Variants in CHST11 observed in about 807,000 individuals in gnomAD.
The protein encoded by CHST11 is carbohydrate sulfotransferase 11.
Under a neutral mutation model 30.4 loss-of-function variants are expected in CHST11, and 9 were observed. The observed-to-expected ratio is 0.30, with a 90% CI of 0.18 to 0.52. The LOEUF (loss-of-function observed/expected upper bound fraction) is 0.52, where lower values mean the gene tolerates loss of function less well. Ranked by LOEUF, CHST11 falls within the 20% of genes least tolerant of loss-of-function variation. The pLI is 0.97. For missense variants in CHST11, 348 were observed against 460.6 expected (o/e 0.76, Z 2.24); for synonymous variants, 152 against 187.8 (o/e 0.81, Z 1.56).
At chr12:104,533,901 T>C (rs539555716) in intron 1 of CHST11, among the ~76,000 whole-genome samples, 19 of 152,338 alleles carry the variant, frequency 1.2e-4, no homozygotes, top group African/African-American at 1.7e-4. Context: ...AAAATTTCCG[T>C]TGGATTGGGC....
intron 1 of CHST11, among the ~76,000 whole-genome samples, chr12:104,464,268 A>C (rs567606296): frequency 6.6e-6 from 1 of 151,974 alleles, no homozygotes; most frequent in African/African-American, 2.4e-5. Context: ...GGGTTTTGCC[A>C]TGTTGGCCAA....
chr12:104,478,402 C>A (rs931487359), intron 1 of CHST11, among the ~76,000 whole-genome samples: 1 of 152,198 alleles, frequency 6.6e-6, no homozygotes, highest in African/African-American at 2.4e-5. Flanking sequence ...CACCTCTCTT[C>A]CACCAGGTCC....
intron 1 of CHST11, among the ~76,000 whole-genome samples, chr12:104,468,865 T>C (rs1248194964): frequency 2.6e-5 from 4 of 152,106 alleles, no homozygotes; most frequent in African/African-American, 9.7e-5. Context: ...GTGGTAAAGA[T>C]TAAATGAGAA....
At chr12:104,743,957 C>T (rs1278143403) in intron 2 of CHST11, among the ~76,000 whole-genome samples, 1 of 152,162 alleles carries the variant, frequency 6.6e-6, no homozygotes, top group Non-Finnish European at 1.5e-5. Context: ...TTTATGGCTG[C>T]ATAGTACTCC....
chr12:104,622,461 G>A (rs2039169232), intron 2 of CHST11, among the ~76,000 whole-genome samples: 1 of 152,132 alleles, frequency 6.6e-6, no homozygotes, highest in Non-Finnish European at 1.5e-5. Context: ...ATAGAGACTA[G>A]CTTCATTGAA....
intron 1 of CHST11, among the ~76,000 whole-genome samples, chr12:104,480,577 CAAA>C (rs58063092): frequency 0.13 from 14,713 of 112,614 alleles, 901 homozygotes; most frequent in East Asian, 0.41. Flanking sequence ...GATTCCATCT[CAAA>C]AAAAAAAAAA....
chr12:104,590,405 T>C (rs533011222), intron 1 of CHST11, among the ~76,000 whole-genome samples: 1 of 152,350 alleles, frequency 6.6e-6, no homozygotes, highest in Non-Finnish European at 1.5e-5. Flanking sequence ...GGTGACTGTA[T>C]TTCAAAACGG....
intron 1 of CHST11, among the ~76,000 whole-genome samples, chr12:104,580,630 C>T (rs1422973699): frequency 1.3e-5 from 2 of 152,126 alleles, no homozygotes; most frequent in Non-Finnish European, 2.9e-5. Context: ...GTTTGGGAGC[C>T]CAATTTTTTC....
At chr12:104,497,198 C>G (rs1565963388) in intron 1 of CHST11, among the ~76,000 whole-genome samples, 1 of 152,200 alleles carries the variant, frequency 6.6e-6, no homozygotes, top group Non-Finnish European at 1.5e-5. Flanking sequence ...CTCAAAATGT[C>G]ACTACATGTG....
intron 1 of CHST11, among the ~76,000 whole-genome samples, chr12:104,558,765 C>A (rs1345183712): frequency 6.6e-6 from 1 of 152,012 alleles, no homozygotes; most frequent in Non-Finnish European, 1.5e-5. Flanking sequence ...TCTTGAACTC[C>A]TGACCTCAAG....
In CHST11 at chr12:104,760,297, T is replaced by A. The variant is rs1340534280; in HGVS notation, c.*2494T>A. On this transcript the variant is annotated 3_prime_UTR_variant, in exon 3 of 3. Coordinates refer to ENST00000303694, the MANE Select transcript of CHST11 (RefSeq NM_018413.6). ...AAATAGCACCACAGTCTCCATCTGG[T>A]TTATAGCAACAGAGGTACTTTATTT... 1 of 151,922 alleles carries A rather than the reference T, an allele frequency of 6.6e-6. No homozygotes were observed. Among genetic ancestry groups the A allele is most frequent in the Non-Finnish European group, 1.5e-5 (1 of 67,986 alleles). The allele number at this position is 151,922 out of a possible 1,614,324, so 9.4% of individuals were successfully genotyped here. A position where few individuals can be genotyped will look rare whatever the true frequency, so the allele number is the denominator to read the frequency against.
Position 104,526,715 on chromosome 12 carries a change from GA to G in CHST11, c.118+69189del, listed in dbSNP as rs1162148406. On this transcript the variant is annotated intron_variant, in intron 1 of 2. Coordinates refer to ENST00000303694, the MANE Select transcript of CHST11 (RefSeq NM_018413.6). ...TGTTTTTATTTGTGCTCCTCAGGTA[GA>G]AATGTTTAGCTTCTGGGGGTTCCGA... 2.6e-5 allele frequency among the ~76,000 whole-genome samples: 4 copies of G among 152,326 alleles called. No homozygotes were observed. The East Asian group carries it at 5.8e-4, about 22-fold the overall frequency.
At chr12:104,670,385 A>G (rs958295449) in intron 2 of CHST11, among the ~76,000 whole-genome samples, 2 of 152,086 alleles carry the variant, frequency 1.3e-5, no homozygotes, top group African/African-American at 2.4e-5. Context: ...CAGACCGTCC[A>G]TGAACTGCCT....
At chr12:104,621,018 T>C (rs1184387478) in intron 2 of CHST11, among the ~76,000 whole-genome samples, 2 of 152,214 alleles carry the variant, frequency 1.3e-5, no homozygotes, top group Non-Finnish European at 2.9e-5. Flanking sequence ...GAGCGCAGAG[T>C]GTAGTCTTTC....
intron 2 of CHST11, among the ~76,000 whole-genome samples, chr12:104,645,154 A>G (rs943903245): frequency 5.3e-5 from 8 of 151,712 alleles, no homozygotes; most frequent in East Asian, 1.9e-4. Context: ...TCACCATGTT[A>G]GCCAGGATGG....
At chr12:104,521,113 A>G (rs1395073616) in intron 1 of CHST11, among the ~76,000 whole-genome samples, 1 of 152,228 alleles carries the variant, frequency 6.6e-6, no homozygotes, top group Non-Finnish European at 1.5e-5. Flanking sequence ...GTTGCTCAAT[A>G]CATATTTGTA....
At chr12:104,541,017 AG>A (rs2136001408) in intron 1 of CHST11, among the ~76,000 whole-genome samples, 1 of 152,262 alleles carries the variant, frequency 6.6e-6, no homozygotes, top group Non-Finnish European at 1.5e-5. Flanking sequence ...TGACTCTTAG[AG>A]GAGATGACCC....
At chr12:104,482,258 C>G (rs1023764600) in intron 1 of CHST11, among the ~76,000 whole-genome samples, 2 of 151,360 alleles carry the variant, frequency 1.3e-5, no homozygotes, top group Non-Finnish European at 2.9e-5. Flanking sequence ...GGTGTGTCAT[C>G]TGGGGTAACC....
At chr12:104,487,570 T>C (rs1488486001) in intron 1 of CHST11, among the ~76,000 whole-genome samples, 1 of 152,240 alleles carries the variant, frequency 6.6e-6, no homozygotes, top group African/African-American at 2.4e-5. Flanking sequence ...CATTGTCTTG[T>C]TTAATACAGC....
Sources: allele counts gnomAD v4.1 joint callset (sites outside exome capture counted in the v4.1 genomes callset), GRCh38; gene constraint gnomAD v4.1.1; transcripts MANE v1.5; gene names NCBI Gene and HGNC (gene_info 2026-07-23, HGNC 2026-07-21).